Variants in TAFA2 observed in about 807,000 individuals in gnomAD.
TAFA2 encodes the protein chemokine-like protein TAFA-2.
Under a neutral mutation model 18.8 loss-of-function variants are expected in TAFA2, and 7 were observed. The observed-to-expected ratio is 0.37, with a 90% confidence interval of 0.21 to 0.70. The LOEUF (loss-of-function observed/expected upper bound fraction) is 0.70. TAFA2 is among the 30% of genes least tolerant of loss of function. The probability of loss-of-function intolerance (pLI) is 0.53; values close to 1 mark genes in which losing one functional copy is unlikely to be tolerated. For missense variants in TAFA2, 122 were observed against 158.1 expected (o/e 0.77, Z 1.23); for synonymous variants, 60 against 54.2 (o/e 1.11, Z -0.47).
intron 1 of TAFA2, among the ~76,000 whole-genome samples, chr12:62,036,087 A>G (rs925944481): frequency 2.0e-5 from 3 of 152,058 alleles, no homozygotes; most frequent in Non-Finnish European, 2.9e-5. Flanking sequence ...TAGCAGGCTA[A>G]GCAGCATCCT....
chr12:61,890,026 A>G (rs759459423), intron 1 of TAFA2, among the ~76,000 whole-genome samples: 3 of 152,234 alleles, frequency 2.0e-5, no homozygotes, highest in Admixed American at 6.5e-5. Flanking sequence ...AACACCAAAA[A>G]TAGCCTGTGA....
intron 1 of TAFA2, among the ~76,000 whole-genome samples, chr12:62,168,653 G>A (rs1483144117): frequency 1.3e-5 from 2 of 152,002 alleles, no homozygotes; most frequent in Admixed American, 6.6e-5. Flanking sequence ...TGGGCAATAT[G>A]GCAAGACCCA....
At chr12:62,172,487 CA>C in intron 1 of TAFA2, among the ~76,000 whole-genome samples, 1 of 152,006 alleles carries the variant, frequency 6.6e-6, no homozygotes, top group Admixed American at 6.5e-5. Context: ...ATCAATATGC[CA>C]AAAAAAGTTT....
intron 1 of TAFA2, among the ~76,000 whole-genome samples, chr12:62,123,781 T>TACACACACACACACACAC (rs71083977): frequency 0.019 from 2,500 of 132,784 alleles, 56 homozygotes; most frequent in African/African-American, 0.028. Context: ...ACCACACACA[T>TACACACACACACACACAC]ACACACACAC....
At chr12:62,118,567 C>T (rs1159424946) in intron 1 of TAFA2, among the ~76,000 whole-genome samples, 1 of 151,972 alleles carries the variant, frequency 6.6e-6, no homozygotes, top group Non-Finnish European at 1.5e-5. Context: ...ATGATTGCAC[C>T]AATTTGCCCT....
In TAFA2 at chr12:61,896,375, G is replaced by A. The variant is rs150515437; in HGVS notation, c.-1-28949C>T. 2.9e-3 allele frequency among the ~76,000 whole-genome samples: 446 copies of A among 152,192 alleles called. 1 individual carries two copies. Among genetic ancestry groups the A allele is most frequent in the Non-Finnish European group, 4.1e-3 (276 of 67,994 alleles). ...CTTTCATGAATGTAAAAAACATTAC[G>A]AAATATTTAATAATCTACCAAACTC... On this transcript the variant is annotated intron_variant, in intron 1 of 4. Transcript: ENST00000416284.
chr12:62,118,828 T>A (rs79611264), intron 1 of TAFA2, among the ~76,000 whole-genome samples: 1 of 152,134 alleles, frequency 6.6e-6, no homozygotes, highest in Non-Finnish European at 1.5e-5. Context: ...TGTAGATAAT[T>A]TTTTGTGCTC....
At chr12:62,114,502 A>G (rs1477646065) in intron 1 of TAFA2, among the ~76,000 whole-genome samples, 1 of 152,232 alleles carries the variant, frequency 6.6e-6, no homozygotes, top group Non-Finnish European at 1.5e-5. Context: ...TGTGTAACAA[A>G]ATTGTTTAAG....
In TAFA2 at chr12:61,900,149, A is replaced by G. The variant is rs1250435604; in HGVS notation, c.-1-32723T>C. ...TATTTCCAGGTTTTTGCCATTGTGA[A>G]CAATACAACTAGAAGTATTCCTATA... On this transcript the variant is annotated intron_variant, in intron 1 of 4. Transcript: ENST00000416284. Among the ~76,000 whole-genome samples the G allele has an allele frequency of 2.0e-5, 3 of 152,228 alleles. No homozygotes were observed. In the East Asian group the frequency reaches 5.8e-4, roughly 29 times the overall value.
rs193001330 is a variant in TAFA2, at chr12:61,727,608, T to A, written c.385-17191A>T. On this transcript the variant is annotated intron_variant, in intron 4 of 4. Coordinates refer to ENST00000416284, the MANE Select transcript of TAFA2 (RefSeq NM_178539.5). Reference sequence around the variant, plus strand: ...ATTGAGCTTATTTGGATCTTCTCTTTTCTTTTGTTGGTTAATCTTGCTAAT... The same window carrying A: ...ATTGAGCTTATTTGGATCTTCTCTTATCTTTTGTTGGTTAATCTTGCTAAT... Among the ~76,000 whole-genome samples, 108 of 152,202 alleles carry A rather than the reference T, an allele frequency of 7.1e-4. 1 individual carries two copies. The South Asian group carries it at 0.017, about 24-fold the overall frequency.
intron 2 of TAFA2, among the ~76,000 whole-genome samples, chr12:61,861,556 G>C (rs1874129231): frequency 6.6e-6 from 1 of 152,052 alleles, no homozygotes; most frequent in South Asian, 2.1e-4. Flanking sequence ...TGCCCAGCCT[G>C]CTCACTTTCA....
intron 1 of TAFA2, chr12:62,198,325 CTCTT>C (rs933357878): frequency 3.9e-5 from 6 of 152,234 alleles, no homozygotes; most frequent in African/African-American, 1.4e-4. Flanking sequence ...CCAGCCTCCT[CTCTT>C]TCTGCCTCCA....
chr12:62,129,141 G>A lies in TAFA2; in HGVS notation c.-2+62118C>T, dbSNP rs551951216. Among the ~76,000 whole-genome samples, 26 of 151,936 alleles carry A rather than the reference G, an allele frequency of 1.7e-4. 1 individual carries two copies. The highest frequency in any genetic ancestry group is 4.6e-4 in the Admixed American group (7 of 15,222). On this transcript the variant is annotated intron_variant, in intron 1 of 4. Coordinates refer to ENST00000416284, the MANE Select transcript of TAFA2 (RefSeq NM_178539.5). ...TTTTTCTTTTTTATTTTCTTGGACT[G>A]TATACACAAACTTTATCTAAATGGC...
Position 61,710,402 on chromosome 12 carries a change from TGGG to T in TAFA2, c.*1_*3del. 1 of 1,608,668 alleles carries T rather than the reference TGGG, an allele frequency of 6.2e-7. No individual in the cohort carries two copies. Among genetic ancestry groups the T allele is most frequent in the Middle Eastern group, 1.7e-4 (1 of 6,050 alleles). On this transcript the variant is annotated 3_prime_UTR_variant, in exon 5 of 5. Transcript: ENST00000416284. ...GCCTTGAGGATCACTTGATTTCTCC[TGGG>T]TTAATGGGTTACCTACAAAGGAAGG...
chr12:61,970,914 T>C (rs1234165746), intron 1 of TAFA2, among the ~76,000 whole-genome samples: 1 of 151,668 alleles, frequency 6.6e-6, no homozygotes, highest in East Asian at 1.9e-4. Context: ...GCTAAAGTAT[T>C]TCTTCTGGAA....
intron 1 of TAFA2, among the ~76,000 whole-genome samples, chr12:61,922,758 C>T (rs1205342264): frequency 6.6e-6 from 1 of 152,244 alleles, no homozygotes; most frequent in East Asian, 1.9e-4. Context: ...ACCATTCACT[C>T]CCATGGAAAG....
At chr12:62,192,894 G>C (rs1033550777), upstream of TAFA2, 2 of 152,194 alleles carry the variant, frequency 1.3e-5, no homozygotes, top group African/African-American at 4.8e-5. Flanking sequence ...CGCTTTACTA[G>C]ATGTAACAGA....
chr12:62,078,384 G>C (rs1868269184), intron 1 of TAFA2, among the ~76,000 whole-genome samples: 1 of 145,362 alleles, frequency 6.9e-6, no homozygotes, highest in East Asian at 2.0e-4. Flanking sequence ...TAAGAACTAT[G>C]CACACGTACC....
rs1869130824 is a variant in TAFA2, at chr12:61,753,745, A to C, written c.261T>G (p.Ala87=). The part of the protein sequence containing the change: ...TTRAAPSCVD[A]SIVEQKWWCH... ...ACCACCATTTCTGTTCCACTATTGA[A>C]GCTATAAGAGAGAAAAAAAATTGAC... is the stretch of plus-strand genomic sequence containing the variant. Residue 87 remains alanine, a splice_region_variant and synonymous_variant, in exon 4 of 5, where the codon GCT becomes GCG. Transcript: ENST00000416284. 1 of 1,597,710 alleles carries C rather than the reference A, an allele frequency of 6.3e-7. No individual in the cohort carries two copies. Among genetic ancestry groups the C allele is most frequent in the Non-Finnish European group, 8.5e-7 (1 of 1,173,442 alleles).
Sources: allele counts gnomAD v4.1 joint callset (sites outside exome capture counted in the v4.1 genomes callset), GRCh38; gene constraint gnomAD v4.1.1; transcripts MANE v1.5; gene names NCBI Gene and HGNC (gene_info 2026-07-23, HGNC 2026-07-21).